Variants in PTPRD observed in about 807,000 individuals in gnomAD.
The protein encoded by PTPRD is protein tyrosine phosphatase receptor type D.
A neutral mutation model predicts 214.5 loss-of-function variants in PTPRD; 34 were observed. That is an observed-to-expected ratio of 0.16 (90% CI 0.12 to 0.21). The LOEUF (loss-of-function observed/expected upper bound fraction) is 0.21, where lower values mean the gene tolerates loss of function less well. Among genes scored for constraint, PTPRD ranks in the 10% least tolerant of loss-of-function variants. The pLI is 1.00. For synonymous variants in PTPRD, 1,128 were observed against 845.7 expected (o/e 1.33, Z -5.79); for missense variants, 2,545 against 2,398.7 (o/e 1.06, Z -1.27).
intron 8 of PTPRD, among the ~76,000 whole-genome samples, chr9:9,522,254 T>C (rs757986365): frequency 1.2e-4 from 19 of 152,074 alleles, no homozygotes; most frequent in Admixed American, 2.0e-4. Flanking sequence ...GTTATTTCAT[T>C]TCATGTATTT....
chr9:9,651,776 T>C (rs1025218947), intron 7 of PTPRD, among the ~76,000 whole-genome samples: 4 of 150,704 alleles, frequency 2.7e-5, no homozygotes, highest in African/African-American at 9.8e-5. Flanking sequence ...GATTGCTGGG[T>C]CAAATGATAT....
intron 11 of PTPRD, among the ~76,000 whole-genome samples, chr9:8,758,096 T>A (rs1336782168): frequency 6.6e-6 from 1 of 152,130 alleles, no homozygotes; most frequent in Admixed American, 6.5e-5. Flanking sequence ...GCCTACCTCA[T>A]CAAAATCAGT....
At chr9:9,980,896 C>A (rs2095522099) in intron 4 of PTPRD, among the ~76,000 whole-genome samples, 1 of 150,540 alleles carries the variant, frequency 6.6e-6, no homozygotes, top group East Asian at 2.0e-4. Flanking sequence ...ATGTTACATT[C>A]ATTAGAAAGG....
At chr9:9,933,311 G>C (rs1347878362) in intron 5 of PTPRD, among the ~76,000 whole-genome samples, 18 of 152,110 alleles carry the variant, frequency 1.2e-4, no homozygotes, top group African/African-American at 3.9e-4. Flanking sequence ...AGACCCATCA[G>C]TGTGCTGTAT....
intron 3 of PTPRD, among the ~76,000 whole-genome samples, chr9:10,328,099 G>A (rs1041511334): frequency 2.5e-4 from 38 of 151,608 alleles, no homozygotes; most frequent in Non-Finnish European, 4.3e-4. Context: ...AAAAACTTTT[G>A]ACTCAGTTGG....
At chr9:10,115,090 G>C (rs1021158234) in intron 3 of PTPRD, among the ~76,000 whole-genome samples, 1 of 151,482 alleles carries the variant, frequency 6.6e-6, no homozygotes, top group African/African-American at 2.4e-5. Context: ...CCTGTGGCAA[G>C]GACAAGGTTT....
Position 10,114,755 on chromosome 9 carries a change from T to C in PTPRD, c.-544-80965A>G, listed in dbSNP as rs117770885. Among the ~76,000 whole-genome samples the C allele has an allele frequency of 4.5e-3, 687 of 152,160 alleles. 2 individuals are homozygous for C. Among genetic ancestry groups the C allele is most frequent in the Admixed American group, 7.5e-3 (115 of 15,246 alleles). On this transcript the variant is annotated intron_variant, in intron 3 of 45. Coordinates refer to ENST00000381196, the MANE Select transcript of PTPRD (RefSeq NM_002839.4). Reference sequence around the variant, plus strand: ...TAGCTAACCTTTAAAACAATGCTAATATAGCTCCTACAATATGACATTTTA... The same window carrying C: ...TAGCTAACCTTTAAAACAATGCTAACATAGCTCCTACAATATGACATTTTA...
intron 3 of PTPRD, among the ~76,000 whole-genome samples, chr9:10,172,060 T>C (rs917007672): frequency 6.6e-6 from 1 of 152,202 alleles, no homozygotes; most frequent in African/African-American, 2.4e-5. Context: ...ATTTCAATGA[T>C]GGAGCAATGA....
At chr9:8,320,396 A>T (rs996671960) in intron 44 of PTPRD, among the ~76,000 whole-genome samples, 1 of 152,134 alleles carries the variant, frequency 6.6e-6, no homozygotes, top group African/African-American at 2.4e-5. Flanking sequence ...CACACTGTTC[A>T]CATTTTGCAG....
intron 11 of PTPRD, among the ~76,000 whole-genome samples, chr9:9,005,996 C>T (rs1001768547): frequency 1.3e-5 from 2 of 151,852 alleles, no homozygotes; most frequent in Non-Finnish European, 2.9e-5. Flanking sequence ...GTCTGAATAG[C>T]CTGGATTTTT....
chr9:8,452,485 T>C (rs2095999270), intron 33 of PTPRD, among the ~76,000 whole-genome samples: 1 of 152,222 alleles, frequency 6.6e-6, no homozygotes, highest in South Asian at 2.1e-4. Flanking sequence ...TGAATGTAAC[T>C]AGTAACCTTT....
intron 14 of PTPRD, among the ~76,000 whole-genome samples, chr9:8,542,346 T>A (rs933711351): frequency 1.4e-4 from 22 of 152,254 alleles, no homozygotes; most frequent in Admixed American, 1.3e-4. Context: ...AGGCATGTTA[T>A]TTAGGATAGT....
intron 11 of PTPRD, among the ~76,000 whole-genome samples, chr9:8,904,343 T>C (rs1419930820): frequency 6.6e-6 from 1 of 152,182 alleles, no homozygotes; most frequent in African/African-American, 2.4e-5. Flanking sequence ...AAAAATTGTA[T>C]AGCTGCTTAT....
At chr9:9,775,486 T>A (rs1191265392) in intron 5 of PTPRD, among the ~76,000 whole-genome samples, 1 of 152,198 alleles carries the variant, frequency 6.6e-6, no homozygotes, top group African/African-American at 2.4e-5. Flanking sequence ...TTAATTCACC[T>A]CTGTATTTCT....
intron 10 of PTPRD, among the ~76,000 whole-genome samples, chr9:9,136,960 A>G (rs1336279722): frequency 6.6e-6 from 1 of 152,178 alleles, no homozygotes; most frequent in Non-Finnish European, 1.5e-5. Flanking sequence ...CTAGATCTCC[A>G]CTGGCAGTGC....
At chr9:9,473,379 A>G (rs1312189775) in intron 8 of PTPRD, among the ~76,000 whole-genome samples, 2 of 152,150 alleles carry the variant, frequency 1.3e-5, no homozygotes, top group Non-Finnish European at 2.9e-5. Flanking sequence ...TCTGTTGATG[A>G]ACATTTAGGT....
chr9:9,157,885 A>G (rs778798999), intron 10 of PTPRD, among the ~76,000 whole-genome samples: 1 of 151,916 alleles, frequency 6.6e-6, no homozygotes, highest in Non-Finnish European at 1.5e-5. Context: ...TGACCCCCCA[A>G]CAGTTGCCCA....
intron 2 of PTPRD, among the ~76,000 whole-genome samples, chr9:10,346,825 G>C (rs1419693556): frequency 6.6e-6 from 1 of 152,162 alleles, no homozygotes. Flanking sequence ...TAATTTCACA[G>C]AACATGTGAT....
chr9:9,965,690 C>G (rs1158178288), intron 4 of PTPRD, among the ~76,000 whole-genome samples: 1 of 152,186 alleles, frequency 6.6e-6, no homozygotes, highest in Non-Finnish European at 1.5e-5. Flanking sequence ...GAAACATCGG[C>G]TTTTAAATTT....
Sources: allele counts gnomAD v4.1 joint callset (sites outside exome capture counted in the v4.1 genomes callset), GRCh38; gene constraint gnomAD v4.1.1; transcripts MANE v1.5; gene names NCBI Gene and HGNC (gene_info 2026-07-23, HGNC 2026-07-21).